TENM4: variants seen among roughly 807,000 people sequenced by gnomAD.
TENM4 encodes teneurin transmembrane protein 4.
A neutral mutation model predicts 243.3 loss-of-function variants in TENM4; 82 were observed. The ratio of observed to expected loss-of-function variants is 0.34; its 90% confidence interval spans 0.28 to 0.40. The LOEUF is 0.40. TENM4 is among the 10% of genes least tolerant of loss of function. The probability of loss-of-function intolerance (pLI) is 1.00; values close to 1 mark genes in which losing one functional copy is unlikely to be tolerated. For missense variants in TENM4, 3,138 were observed against 3,673.3 expected (o/e 0.85, Z 3.77); for synonymous variants, 1,412 against 1,456.3 (o/e 0.97, Z 0.69).
intron 4 of TENM4, among the ~76,000 whole-genome samples, chr11:79,087,172 A>G (rs986251202): frequency 6.6e-6 from 1 of 152,236 alleles, no homozygotes; most frequent in Admixed American, 6.5e-5. Flanking sequence ...TAAAGAACTG[A>G]AGCTTAGAGA....
chr11:78,750,377 C>T (rs1856160540), intron 19 of TENM4, among the ~76,000 whole-genome samples: 1 of 152,214 alleles, frequency 6.6e-6, no homozygotes, highest in African/African-American at 2.4e-5. Context: ...TTGTGACCTG[C>T]AATTTGATAA....
intron 3 of TENM4, among the ~76,000 whole-genome samples, chr11:79,196,068 C>T (rs1215245590): frequency 1.3e-5 from 2 of 152,120 alleles, no homozygotes; most frequent in African/African-American, 2.4e-5. Flanking sequence ...TCATTTTTGT[C>T]TTGCTGCCGC....
At chr11:78,986,776 A>G (rs140609292) in intron 6 of TENM4, among the ~76,000 whole-genome samples, 1,676 of 152,142 alleles carry the variant, frequency 0.011, 37 homozygotes, top group African/African-American at 0.038. Flanking sequence ...GTTTTGCCAT[A>G]TTGGCCAGGC....
At chr11:79,180,912 T>A (rs1380512292) in intron 3 of TENM4, among the ~76,000 whole-genome samples, 2 of 147,122 alleles carry the variant, frequency 1.4e-5, no homozygotes, top group African/African-American at 4.9e-5. Context: ...TGTGTATATA[T>A]GTATATACAT....
intron 17 of TENM4, among the ~76,000 whole-genome samples, chr11:78,774,286 T>C: frequency 6.6e-6 from 1 of 152,156 alleles, no homozygotes; most frequent in East Asian, 1.9e-4. Flanking sequence ...AACAAGAAAA[T>C]AAACCTTTGC....
At chr11:79,161,544 A>T (rs1862746508) in intron 3 of TENM4, among the ~76,000 whole-genome samples, 1 of 152,070 alleles carries the variant, frequency 6.6e-6, no homozygotes, top group East Asian at 1.9e-4. Flanking sequence ...GGGGGTGGAG[A>T]CTGCAGTGAT....
chr11:79,366,954 CTT>C (rs754346966), intron 1 of TENM4, among the ~76,000 whole-genome samples: 35 of 152,286 alleles, frequency 2.3e-4, no homozygotes, highest in Non-Finnish European at 4.4e-4. Context: ...CCATTTGAGA[CTT>C]ATCAATATTT....
intron 6 of TENM4, among the ~76,000 whole-genome samples, chr11:79,041,975 G>T (rs1461473305): frequency 1.3e-5 from 2 of 152,202 alleles, no homozygotes; most frequent in Non-Finnish European, 2.9e-5. Context: ...TAGCCGGAGG[G>T]TCTGGGCCTT....
intron 3 of TENM4, among the ~76,000 whole-genome samples, chr11:79,214,168 T>C (rs541786): frequency 6.6e-6 from 1 of 152,084 alleles, no homozygotes; most frequent in Non-Finnish European, 1.5e-5. Flanking sequence ...ATATTTTTTT[T>C]ACTTTTAGTA....
intron 6 of TENM4, among the ~76,000 whole-genome samples, chr11:79,024,921 A>C (rs1043005170): frequency 1.3e-5 from 2 of 152,338 alleles, no homozygotes; most frequent in South Asian, 4.1e-4. Flanking sequence ...TCTTGTCACC[A>C]GCATCTTAGA....
chr11:79,401,185 C>G (rs1858454027), intron 1 of TENM4, among the ~76,000 whole-genome samples: 1 of 152,190 alleles, frequency 6.6e-6, no homozygotes, highest in African/African-American at 2.4e-5. Context: ...TTTCCTGCCT[C>G]CTTCCCTCCC....
chr11:78,853,073 A>G (rs577951874), intron 12 of TENM4, among the ~76,000 whole-genome samples: 24 of 151,356 alleles, frequency 1.6e-4, no homozygotes, highest in South Asian at 2.1e-4. Context: ...AACTTTTATC[A>G]AACTCCATTT....
chr11:78,865,920 T>A (rs1231777601), intron 9 of TENM4, among the ~76,000 whole-genome samples: 1 of 152,242 alleles, frequency 6.6e-6, no homozygotes, highest in African/African-American at 2.4e-5. Flanking sequence ...AGGTAATACA[T>A]GGTAAAATGC....
At chr11:79,099,969 G>A (rs1445778641) in intron 4 of TENM4, among the ~76,000 whole-genome samples, 2 of 152,190 alleles carry the variant, frequency 1.3e-5, no homozygotes, top group East Asian at 3.9e-4. Context: ...GCTGTTCATA[G>A]CAGTTTAGCA....
chr11:78,717,937 T>C (rs1166873551), intron 25 of TENM4, among the ~76,000 whole-genome samples: 1 of 152,214 alleles, frequency 6.6e-6, no homozygotes, highest in African/African-American at 2.4e-5. Context: ...TAGAGGAAGA[T>C]GCCCCATGGA....
intron 1 of TENM4, among the ~76,000 whole-genome samples, chr11:79,427,123 C>A (rs1859069121): frequency 6.6e-6 from 1 of 152,160 alleles, no homozygotes; most frequent in Non-Finnish European, 1.5e-5. Context: ...ACTCCCTACA[C>A]AACACAAGAA....
chr11:79,031,252 A>T (rs1361128661), intron 6 of TENM4, among the ~76,000 whole-genome samples: 3 of 152,224 alleles, frequency 2.0e-5, no homozygotes, highest in African/African-American at 7.2e-5. Flanking sequence ...CAAAATGCCT[A>T]CATACAGATA....
intron 25 of TENM4, among the ~76,000 whole-genome samples, chr11:78,714,093 T>A (rs1387664590): frequency 6.6e-6 from 1 of 152,158 alleles, no homozygotes; most frequent in African/African-American, 2.4e-5. Flanking sequence ...TGAGCAGTGA[T>A]GAGAGCACCA....
chr11:79,209,167 C>T (rs1217281854), intron 3 of TENM4, among the ~76,000 whole-genome samples: 1 of 152,206 alleles, frequency 6.6e-6, no homozygotes, highest in African/African-American at 2.4e-5. Context: ...ATTCTGACTG[C>T]ACACCCAGCA....
Sources: gnomAD v4.1 joint callset for allele counts (sites outside exome capture counted in the v4.1 genomes callset) on GRCh38, gnomAD v4.1.1 for gene constraint, MANE v1.5 for transcripts, NCBI Gene and HGNC (gene_info 2026-07-23, HGNC 2026-07-21) for gene names.